Variants in FRMD4A observed in about 807,000 individuals in gnomAD.
The protein encoded by FRMD4A is FERM domain-containing protein 4A.
FRMD4A carries 29 observed loss-of-function variants against 129.1 expected under a neutral mutation model. The observed-to-expected ratio is 0.22, with a 90% CI of 0.17 to 0.31. The LOEUF (loss-of-function observed/expected upper bound fraction) is 0.31, where lower values mean the gene tolerates loss of function less well. Ranked by LOEUF, FRMD4A falls within the 10% of genes least tolerant of loss-of-function variation. The pLI is 1.00. For missense variants in FRMD4A, 1,272 were observed against 1,375.8 expected (o/e 0.92, Z 1.19); for synonymous variants, 634 against 571.6 (o/e 1.11, Z -1.56).
chr10:13,988,868 T>C (rs1187996631), intron 2 of FRMD4A, among the ~76,000 whole-genome samples: 1 of 152,158 alleles, frequency 6.6e-6, no homozygotes, highest in Non-Finnish European at 1.5e-5. Flanking sequence ...AGAGGATACT[T>C]TAGATCCTCG....
intron 13 of FRMD4A, among the ~76,000 whole-genome samples, chr10:13,703,026 A>G (rs1487315939): frequency 6.6e-6 from 1 of 152,112 alleles, no homozygotes; most frequent in Non-Finnish European, 1.5e-5. Context: ...CTCTAAATTT[A>G]AAAGAAAACA....
chr10:13,681,718 TG>T (rs2084611237), intron 15 of FRMD4A, among the ~76,000 whole-genome samples: 2 of 152,182 alleles, frequency 1.3e-5, no homozygotes, highest in African/African-American at 4.8e-5. Flanking sequence ...GTAATAGGGC[TG>T]GGTGTGTGTT....
intron 2 of FRMD4A, among the ~76,000 whole-genome samples, chr10:13,930,395 G>C (rs1260165122): frequency 6.6e-6 from 1 of 152,178 alleles, no homozygotes; most frequent in Non-Finnish European, 1.5e-5. Context: ...TGATAATGCT[G>C]GTCTCTGCCT....
chr10:14,120,382 A>C (rs899235624), intron 2 of FRMD4A, among the ~76,000 whole-genome samples: 6 of 151,842 alleles, frequency 4.0e-5, no homozygotes, highest in African/African-American at 1.5e-4. Context: ...ACCCTCTCCC[A>C]TACTCCCAGA....
chr10:14,127,493 T>C lies in FRMD4A; in HGVS notation c.45+202565A>G, dbSNP rs186316676. Among the ~76,000 whole-genome samples the C allele has an allele frequency of 9.2e-5, 14 of 152,284 alleles. No individual in the cohort carries two copies. The East Asian group carries it at 2.7e-3, about 29-fold the overall frequency. The stretch of plus-strand genomic sequence containing the variant: ...TTTAGGGCCTGGAGAAGAGGCCCTT[T>C]AAGGGAGCATTGAATAAGATGGCAC... On this transcript the variant is annotated intron_variant, in intron 2 of 24. Coordinates refer to ENST00000357447, the MANE Select transcript of FRMD4A (RefSeq NM_018027.5).
At chr10:13,824,953 T>G (rs1480005684) in intron 3 of FRMD4A, among the ~76,000 whole-genome samples, 1 of 149,258 alleles carries the variant, frequency 6.7e-6, no homozygotes, top group Non-Finnish European at 1.5e-5. Context: ...TACAGGAGGA[T>G]GTGTCTAGGT....
At chr10:14,219,583 C>T (rs1843181496) in intron 2 of FRMD4A, among the ~76,000 whole-genome samples, 1 of 152,158 alleles carries the variant, frequency 6.6e-6, no homozygotes. Context: ...ATGCTGCAAA[C>T]CTTTGCTTTT....
chr10:13,798,647 G>A (rs896194217), intron 4 of FRMD4A, among the ~76,000 whole-genome samples: 3 of 152,098 alleles, frequency 2.0e-5, no homozygotes, highest in Non-Finnish European at 4.4e-5. Flanking sequence ...AACCTGGGAG[G>A]TGGAGCTTGC....
At position 13,797,138 on chromosome 10, in the gene FRMD4A, A is replaced by G. The variant is rs2093137567; in HGVS notation, c.207-550T>C. 2.6e-5 allele frequency among the ~76,000 whole-genome samples: 4 copies of G among 152,322 alleles called. 1 individual carries two copies. In the Middle Eastern group the frequency reaches 0.01, roughly 389 times the overall value. Reference sequence around the variant, plus strand: ...GGGAAGAATAGGAACTGGAAAGTGAAGGGATTGAGACCTGCTGTTTCCCAG... The same window carrying G: ...GGGAAGAATAGGAACTGGAAAGTGAGGGGATTGAGACCTGCTGTTTCCCAG... On this transcript the variant is annotated intron_variant, in intron 4 of 24. Coordinates refer to ENST00000357447, the MANE Select transcript of FRMD4A (RefSeq NM_018027.5).
chr10:13,784,255 G>T (rs1313955371), intron 5 of FRMD4A, among the ~76,000 whole-genome samples: 1 of 152,182 alleles, frequency 6.6e-6, no homozygotes. Flanking sequence ...CAGTGATGGA[G>T]TCCCCAGCTC....
intron 2 of FRMD4A, among the ~76,000 whole-genome samples, chr10:13,874,455 C>A (rs1037557735): frequency 2.6e-5 from 4 of 151,600 alleles, no homozygotes; most frequent in East Asian, 3.9e-4. Context: ...AATGAATGAG[C>A]CAAAAAGGAA....
intron 15 of FRMD4A, chr10:13,685,559 TCA>T (rs539770419): frequency 3.0e-6 from 3 of 985,220 alleles, no homozygotes; most frequent in South Asian, 4.7e-5. Context: ...ACTGTGAATT[TCA>T]GTCATCCTCA....
At chr10:13,652,527 A>ATGAG (rs1437970067) in intron 23 of FRMD4A, 4 of 155,898 alleles carry the variant, frequency 2.6e-5, no homozygotes, top group Non-Finnish European at 5.7e-5. Context: ...TCATTCTTTT[A>ATGAG]TGAGTTAATC....
intron 15 of FRMD4A, among the ~76,000 whole-genome samples, chr10:13,691,984 C>A (rs976293660): frequency 6.6e-6 from 1 of 152,100 alleles, no homozygotes; most frequent in African/African-American, 2.4e-5. Context: ...TCATGGCCAA[C>A]TCCCAAGCTT....
chr10:13,967,143 T>C (rs372804126), intron 2 of FRMD4A, among the ~76,000 whole-genome samples: 1 of 152,212 alleles, frequency 6.6e-6, no homozygotes, highest in East Asian at 1.9e-4. Flanking sequence ...GAGACCATCC[T>C]GGCTAACACG....
At chr10:14,052,381 T>G (rs927599805) in intron 2 of FRMD4A, among the ~76,000 whole-genome samples, 3 of 152,186 alleles carry the variant, frequency 2.0e-5, no homozygotes, top group African/African-American at 7.2e-5. Flanking sequence ...GCTGGGTAAT[T>G]TATAAAGAAA....
intron 12 of FRMD4A, 39 bp from the exon 13 acceptor site, chr10:13,707,152 C>A (rs368489517): frequency 8.7e-7 from 1 of 1,150,104 alleles, no homozygotes; most frequent in African/African-American, 1.5e-5. Flanking sequence ...TCAGGAGGGG[C>A]TGGCTCCTGG....
At chr10:13,678,074 T>G (rs992722879) in intron 15 of FRMD4A, among the ~76,000 whole-genome samples, 5 of 152,200 alleles carry the variant, frequency 3.3e-5, no homozygotes, top group African/African-American at 1.2e-4. Flanking sequence ...TTTTGGATGA[T>G]CATGTTGCTA....
intron 15 of FRMD4A, among the ~76,000 whole-genome samples, chr10:13,690,918 AG>A (rs1290271398): frequency 3.3e-5 from 5 of 152,242 alleles, no homozygotes; most frequent in Non-Finnish European, 7.3e-5. Flanking sequence ...CAGATTGATT[AG>A]CAAAGTCCAG....
Sources: gnomAD v4.1 joint callset for allele counts (sites outside exome capture counted in the v4.1 genomes callset) on GRCh38, gnomAD v4.1.1 for gene constraint, MANE v1.5 for transcripts, NCBI Gene and HGNC (gene_info 2026-07-23, HGNC 2026-07-21) for gene names.